CNTN1: variants seen among roughly 807,000 people sequenced by gnomAD.
The protein encoded by CNTN1 is contactin 1.
A neutral mutation model predicts 126.4 loss-of-function variants in CNTN1; 38 were observed. The observed-to-expected ratio is 0.30, with a 90% CI of 0.23 to 0.39. The LOEUF (loss-of-function observed/expected upper bound fraction) is 0.39. Ranked by LOEUF, CNTN1 falls within the 10% of genes least tolerant of loss-of-function variation. The pLI, the probability that CNTN1 is intolerant of heterozygous loss-of-function variation, is 1.00. For synonymous variants in CNTN1, 413 were observed against 422.6 expected (o/e 0.98, Z 0.28); for missense variants, 1,009 against 1,248.4 (o/e 0.81, Z 2.89).
At position 41,027,847 on chromosome 12, in the gene CNTN1, CT is replaced by C; in HGVS notation, c.2711-6del. On this transcript the variant is annotated splice_polypyrimidine_tract_variant and intron_variant, in intron 21 of 23. Transcript: ENST00000551295. The stretch of plus-strand genomic sequence containing the variant: ...AGTGACCACTGATTGCATATTACTA[CT>C]TTTCACAGCTCCTAGCCAGCCTCCA... The C allele has an allele frequency of 6.4e-7, 1 of 1,569,322 alleles. No homozygotes were observed. Among genetic ancestry groups the C allele is most frequent in the East Asian group, 2.2e-5 (1 of 44,634 alleles).
chr12:41,027,817 G>T (rs764122920), intron 21 of CNTN1, 40 bp from the exon 22 acceptor site: 1 of 1,193,062 alleles, frequency 8.4e-7, no homozygotes, highest in East Asian at 2.3e-5. Flanking sequence ...ATTGAGATTG[G>T]ATATAGTGAC....
At chr12:40,984,198 T>A (rs1947895896) in intron 16 of CNTN1, among the ~76,000 whole-genome samples, 1 of 151,836 alleles carries the variant, frequency 6.6e-6, no homozygotes, top group South Asian at 2.1e-4. Flanking sequence ...TGTTTGCCTA[T>A]TAAACCAATA....
chr12:41,042,750 T>C (rs1199410930), intron 23 of CNTN1, among the ~76,000 whole-genome samples: 2 of 152,092 alleles, frequency 1.3e-5, no homozygotes, highest in African/African-American at 4.8e-5. Context: ...CTTCAAACTA[T>C]ACTACAAGTC....
At chr12:41,048,838 C>T (rs998044781) in intron 23 of CNTN1, among the ~76,000 whole-genome samples, 7 of 152,128 alleles carry the variant, frequency 4.6e-5, no homozygotes, top group African/African-American at 1.2e-4. Flanking sequence ...CAGTAACTAA[C>T]GCATGTTCTA....
At chr12:40,979,363 A>G (rs1047715141) in intron 15 of CNTN1, 6 of 152,108 alleles carry the variant, frequency 3.9e-5, no homozygotes, top group Non-Finnish European at 8.8e-5. Context: ...GGTGTTGGCC[A>G]TACCTCTGCA....
chr12:40,898,780 G>T (rs577459325), intron 1 of CNTN1, among the ~76,000 whole-genome samples: 1 of 152,114 alleles, frequency 6.6e-6, no homozygotes, highest in Non-Finnish European at 1.5e-5. Flanking sequence ...CTCCCTTCAG[G>T]GGTGGTCTCG....
chr12:40,993,928 C>T (rs1487431615), intron 17 of CNTN1, among the ~76,000 whole-genome samples: 1 of 151,968 alleles, frequency 6.6e-6, no homozygotes, highest in Non-Finnish European at 1.5e-5. Flanking sequence ...CACCATTACC[C>T]CGTGGAACCA....
chr12:40,805,528 A>G (rs1374807223), intron 1 of CNTN1, among the ~76,000 whole-genome samples: 1 of 152,080 alleles, frequency 6.6e-6, no homozygotes, highest in Non-Finnish European at 1.5e-5. Flanking sequence ...TGTTACTTAA[A>G]GTTTCCATCT....
intron 1 of CNTN1, among the ~76,000 whole-genome samples, chr12:40,711,631 CCTT>C (rs1391883771): frequency 6.6e-6 from 1 of 152,050 alleles, no homozygotes; most frequent in Admixed American, 6.6e-5. Context: ...AGTCATTTCT[CCTT>C]CTTCTCTTTT....
At chr12:41,045,382 A>G (rs1349961175) in intron 23 of CNTN1, among the ~76,000 whole-genome samples, 1 of 152,132 alleles carries the variant, frequency 6.6e-6, no homozygotes, top group Non-Finnish European at 1.5e-5. Context: ...GTTCTGAGAA[A>G]GGGAGTTGGG....
intron 6 of CNTN1, among the ~76,000 whole-genome samples, chr12:40,926,354 G>C (rs1373925657): frequency 6.6e-6 from 1 of 152,040 alleles, no homozygotes; most frequent in Non-Finnish European, 1.5e-5. Context: ...TCCGAGAGAA[G>C]AGCATGCCAG....
At chr12:40,775,360 G>A (rs957699354) in intron 1 of CNTN1, among the ~76,000 whole-genome samples, 1 of 151,118 alleles carries the variant, frequency 6.6e-6, no homozygotes, top group Non-Finnish European at 1.5e-5. Flanking sequence ...TATTAATTTG[G>A]AAAAATTTTT....
intron 1 of CNTN1, among the ~76,000 whole-genome samples, chr12:40,902,837 G>C (rs1281685968): frequency 6.6e-6 from 1 of 151,930 alleles, no homozygotes; most frequent in East Asian, 1.9e-4. Context: ...AACATGACAA[G>C]AGCTAGATGG....
chr12:41,052,769 C>T (rs1949716577), intron 23 of CNTN1, among the ~76,000 whole-genome samples: 1 of 151,868 alleles, frequency 6.6e-6, no homozygotes, highest in Non-Finnish European at 1.5e-5. Flanking sequence ...TGGAAGACTT[C>T]AATAGTAAAT....
chr12:40,794,445 T>A (rs1487329772), intron 1 of CNTN1, among the ~76,000 whole-genome samples: 1 of 152,010 alleles, frequency 6.6e-6, no homozygotes, highest in African/African-American at 2.4e-5. Context: ...ACTACTTTTT[T>A]TTTTTTGCAT....
chr12:40,871,481 G>T (rs1443169226), intron 1 of CNTN1, among the ~76,000 whole-genome samples: 1 of 152,082 alleles, frequency 6.6e-6, no homozygotes, highest in Admixed American at 6.6e-5. Flanking sequence ...GGGCAAAGTG[G>T]TTGGATTTGG....
intron 1 of CNTN1, among the ~76,000 whole-genome samples, chr12:40,872,847 A>T (rs929613326): frequency 6.6e-6 from 1 of 151,986 alleles, no homozygotes; most frequent in Non-Finnish European, 1.5e-5. Flanking sequence ...GTCGTGAACC[A>T]CCGTGTCCAG....
chr12:40,875,068 TG>T (rs1320422391), intron 1 of CNTN1, among the ~76,000 whole-genome samples: 1 of 152,162 alleles, frequency 6.6e-6, no homozygotes, highest in Non-Finnish European at 1.5e-5. Context: ...TTCTCCATCT[TG>T]TCTGCACATT....
intron 14 of CNTN1, among the ~76,000 whole-genome samples, chr12:40,950,617 GTT>G (rs1946639708): frequency 6.6e-6 from 1 of 152,172 alleles, no homozygotes; most frequent in African/African-American, 2.4e-5. Flanking sequence ...TTGGAAAAGA[GTT>G]AATTAGATAA....
Sources: allele counts gnomAD v4.1 joint callset (sites outside exome capture counted in the v4.1 genomes callset), GRCh38; gene constraint gnomAD v4.1.1; transcripts MANE v1.5; gene names NCBI Gene and HGNC (gene_info 2026-07-23, HGNC 2026-07-21).